Variants in CLNK observed in about 807,000 individuals in gnomAD.
CLNK encodes the protein cytokine-dependent hematopoietic cell linker.
CLNK carries 74 observed loss-of-function variants against 68.6 expected under a neutral mutation model. The ratio of observed to expected loss-of-function variants is 1.08; its 90% CI spans 0.89 to 1.31. CLNK has a LOEUF of 1.31. Among genes scored for constraint, CLNK ranks in the 50% most tolerant of loss-of-function variants. The pLI is 0.00. For missense variants in CLNK, 553 were observed against 515.3 expected, an observed-to-expected ratio of 1.07 and a Z score of -0.71; for synonymous variants, 198 against 172.2, an observed-to-expected ratio of 1.15 and a Z score of -1.17.
At chr4:10,512,002 C>G (rs923763784) in intron 16 of CLNK, among the ~76,000 whole-genome samples, 1 of 152,080 alleles carries the variant, frequency 6.6e-6, no homozygotes, top group Non-Finnish European at 1.5e-5. Context: ...TTATTATTGA[C>G]AGGACATAGA....
chr4:10,531,785 A>C, intron 12 of CLNK: 1 of 457,158 alleles, frequency 2.2e-6, no homozygotes, highest in South Asian at 1.5e-5. Context: ...TGGGATGAGT[A>C]AGAGCATTTT....
chr4:10,508,845 ATG>A (rs1491412290), intron 16 of CLNK, among the ~76,000 whole-genome samples: 3 of 94,214 alleles, frequency 3.2e-5, no homozygotes, highest in Admixed American at 2.7e-4. Context: ...TGGTGGCTCA[ATG>A]CCTGTAATCC....
chr4:10,689,081 C>A (rs1253260080), upstream of CLNK, among the ~76,000 whole-genome samples: 1 of 151,976 alleles, frequency 6.6e-6, no homozygotes, highest in Non-Finnish European at 1.5e-5. Flanking sequence ...CCTTACCTAA[C>A]CTTACCACTT....
At chr4:10,624,666 C>T (rs1284327095) in intron 2 of CLNK, among the ~76,000 whole-genome samples, 1 of 142,240 alleles carries the variant, frequency 7.0e-6, no homozygotes. Flanking sequence ...TGCAGGACTT[C>T]TCAGGATGTC....
chr4:10,597,485 G>C (rs529163783), intron 3 of CLNK, among the ~76,000 whole-genome samples: 2 of 152,134 alleles, frequency 1.3e-5, no homozygotes, highest in Non-Finnish European at 2.9e-5. Context: ...GTCTTTTGTT[G>C]CTGCATTTTC....
Position 10,564,675 on chromosome 4 carries a change from T to C in CLNK, c.395A>G (p.Glu132Gly). 1 of 1,608,358 alleles carries C rather than the reference T, an allele frequency of 6.2e-7. No individual in the cohort carries two copies. The highest frequency in any genetic ancestry group is 1.1e-5 in the South Asian group (1 of 90,932). Residue 132 changes from glutamate (E) to glycine (G), a missense_variant, in exon 7 of 19, where the codon GAA becomes GGA. Coordinates refer to ENST00000226951, the MANE Select transcript of CLNK (RefSeq NM_052964.4). Reference sequence around the variant, plus strand: ...CAATGTCCAGTCTTTACTCACTCTTTCCAACCTCGTCTGTGTGTTCCAGGT... The same window carrying C: ...CAATGTCCAGTCTTTACTCACTCTTCCCAACCTCGTCTGTGTGTTCCAGGT... ...QPTWNTQTRL[E>G]RVDKPISKDV...
At chr4:10,575,691 A>G (rs1323118852) in intron 4 of CLNK, among the ~76,000 whole-genome samples, 3 of 152,170 alleles carry the variant, frequency 2.0e-5, no homozygotes, top group African/African-American at 7.2e-5. Context: ...TTGACCTTCT[A>G]TGCTCTTGTT....
At chr4:10,734,066 A>G in the CLNK span, among the ~76,000 whole-genome samples, 1 of 152,196 alleles carries the variant, frequency 6.6e-6, no homozygotes, top group Non-Finnish European at 1.5e-5. Context: ...ATAAGCATCT[A>G]CTATGTGCCT....
intron 2 of CLNK, among the ~76,000 whole-genome samples, chr4:10,624,709 A>T (rs1339700798): frequency 6.6e-6 from 1 of 151,436 alleles, no homozygotes; most frequent in East Asian, 2.0e-4. Context: ...AAGCATCATG[A>T]AACTCAAGAG....
chr4:10,681,077 G>A (rs1364576738), intron 1 of CLNK, among the ~76,000 whole-genome samples: 1 of 152,186 alleles, frequency 6.6e-6, no homozygotes, highest in Non-Finnish European at 1.5e-5. Flanking sequence ...CCATAGCTCA[G>A]CAAATCCAGC....
At chr4:10,500,464 T>C (rs1716992986) in intron 18 of CLNK, among the ~76,000 whole-genome samples, 1 of 152,172 alleles carries the variant, frequency 6.6e-6, no homozygotes, top group African/African-American at 2.4e-5. Context: ...GCAGATCATC[T>C]GAAGTCAGTA....
At chr4:10,679,586 G>A (rs1016039909) in intron 1 of CLNK, among the ~76,000 whole-genome samples, 1 of 152,000 alleles carries the variant, frequency 6.6e-6, no homozygotes, top group Admixed American at 6.6e-5. Flanking sequence ...GCAACCTACA[G>A]AATAGGAGAA....
At chr4:10,705,252 C>T in the CLNK span, among the ~76,000 whole-genome samples, 9 of 152,276 alleles carry the variant, frequency 5.9e-5, no homozygotes, top group Admixed American at 1.3e-4. Flanking sequence ...ACAAAATACA[C>T]GTTTATGCTG....
At chr4:10,717,320 G>A in the CLNK span, among the ~76,000 whole-genome samples, 18 of 152,336 alleles carry the variant, frequency 1.2e-4, no homozygotes, top group African/African-American at 4.3e-4. Context: ...CCGTGGCCGG[G>A]TGTGGTGGCT....
Position 10,508,055 on chromosome 4 carries a change from G to T in CLNK, c.907-19C>A, listed in dbSNP as rs762491962. On this transcript the variant is annotated intron_variant, in intron 16 of 18. Transcript: ENST00000226951. ...GGACATCCTGCAGAACAGAATCAAT[G>T]ATAAATATTTTAGGGTCAATGGGAA... is the stretch of plus-strand genomic sequence containing the variant. 1.0e-5 allele frequency: 16 copies of T among 1,585,476 alleles called. No homozygotes were observed. The highest frequency in any genetic ancestry group is 1.4e-5 in the Non-Finnish European group (16 of 1,164,108).
chr4:10,593,267 C>G (rs1721251443), intron 3 of CLNK, among the ~76,000 whole-genome samples: 1 of 152,130 alleles, frequency 6.6e-6, no homozygotes, highest in African/African-American at 2.4e-5. Context: ...CAGACCAGAG[C>G]AGTCAGGAGA....
intron 1 of CLNK, among the ~76,000 whole-genome samples, chr4:10,670,556 C>G (rs941382227): frequency 1.3e-5 from 2 of 152,216 alleles, no homozygotes; most frequent in Admixed American, 1.3e-4. Flanking sequence ...GGCAAGGTGG[C>G]CAATGAAGCT....
intron 2 of CLNK, among the ~76,000 whole-genome samples, chr4:10,638,201 C>T (rs1723170557): frequency 6.6e-6 from 1 of 152,178 alleles, no homozygotes; most frequent in South Asian, 2.1e-4. Flanking sequence ...ATTTCCTTAC[C>T]ATACTGACAG....
chr4:10,512,470 A>G (rs1717632752), intron 16 of CLNK, among the ~76,000 whole-genome samples: 1 of 152,032 alleles, frequency 6.6e-6, no homozygotes, highest in Admixed American at 6.6e-5. Flanking sequence ...ACCTCAGGTG[A>G]CCTACCCACC....
Sources: gnomAD v4.1 joint callset for allele counts (sites outside exome capture counted in the v4.1 genomes callset) on GRCh38, gnomAD v4.1.1 for gene constraint, MANE v1.5 for transcripts, NCBI Gene and HGNC (gene_info 2026-07-23, HGNC 2026-07-21) for gene names.